Variants in SNX29 observed in about 807,000 individuals in gnomAD.
SNX29 encodes sorting nexin-29.
In SNX29, 78 loss-of-function variants were observed where a neutral mutation model predicts 102.1. The observed-to-expected ratio is 0.76, with a 90% CI of 0.64 to 0.92. The LOEUF is 0.92. Ranked by LOEUF, SNX29 falls within the 40% of genes least tolerant of loss-of-function variation. SNX29 has a pLI of 0.00. For missense variants in SNX29, 1,280 were observed against 1,061.7 expected (o/e 1.21, Z -2.86); for synonymous variants, 580 against 414.5 (o/e 1.40, Z -4.85).
At chr16:12,406,168 T>G (rs940740644) in intron 18 of SNX29, among the ~76,000 whole-genome samples, 1 of 152,148 alleles carries the variant, frequency 6.6e-6, no homozygotes, top group African/African-American at 2.4e-5. Flanking sequence ...ACTAAGGGTT[T>G]AAAAGGAAAA....
chr16:12,326,770 G>A (rs1424176886), intron 15 of SNX29, among the ~76,000 whole-genome samples: 2 of 150,658 alleles, frequency 1.3e-5, no homozygotes, highest in Admixed American at 6.6e-5. Context: ...ATACTAGCTT[G>A]TGGTACTGTG....
intron 15 of SNX29, among the ~76,000 whole-genome samples, chr16:12,346,822 A>T (rs1015011086): frequency 1.3e-5 from 2 of 152,132 alleles, no homozygotes; most frequent in Non-Finnish European, 2.9e-5. Context: ...CCAGGAGAGC[A>T]TCATTGTCTC....
At chr16:12,051,010 C>T (rs141683143) in intron 7 of SNX29, among the ~76,000 whole-genome samples, 47 of 152,230 alleles carry the variant, frequency 3.1e-4, no homozygotes, top group African/African-American at 9.6e-4. Context: ...CGTGAGCCAC[C>T]GCGCCCGGCC....
intron 15 of SNX29, among the ~76,000 whole-genome samples, chr16:12,343,800 T>G (rs966341858): frequency 6.6e-6 from 1 of 152,086 alleles, no homozygotes; most frequent in Admixed American, 6.6e-5. Flanking sequence ...TCAATAAATG[T>G]TTGTTGAATG....
chr16:12,166,320 C>G (rs557633930), intron 13 of SNX29, among the ~76,000 whole-genome samples: 1 of 152,264 alleles, frequency 6.6e-6, no homozygotes, highest in East Asian at 1.9e-4. Context: ...GATGGGCATT[C>G]AGAGCAGTGA....
intron 18 of SNX29, among the ~76,000 whole-genome samples, chr16:12,439,986 A>C (rs527371554): frequency 6.6e-6 from 1 of 152,296 alleles, no homozygotes; most frequent in South Asian, 2.1e-4. Flanking sequence ...GTGGGGATGC[A>C]GCCCAACTCT....
At chr16:12,541,256 A>C (rs867028972) in intron 20 of SNX29, among the ~76,000 whole-genome samples, 3 of 152,180 alleles carry the variant, frequency 2.0e-5, no homozygotes, top group African/African-American at 7.2e-5. Context: ...ATATCTTATC[A>C]GGGAGAGAAT....
intron 14 of SNX29, among the ~76,000 whole-genome samples, chr16:12,256,429 G>A (rs2078575481): frequency 6.6e-6 from 1 of 152,102 alleles, no homozygotes; most frequent in South Asian, 2.1e-4. Context: ...CCTGGTTCAG[G>A]CGATTCTCCT....
At chr16:12,554,613 C>CA (rs1491126885) in intron 20 of SNX29, among the ~76,000 whole-genome samples, 1 of 152,190 alleles carries the variant, frequency 6.6e-6, no homozygotes, top group Non-Finnish European at 1.5e-5. Context: ...GGAGCTCACT[C>CA]ACACATACCT....
At chr16:12,036,630 A>G (rs180761183) in intron 4 of SNX29, among the ~76,000 whole-genome samples, 2,667 of 145,318 alleles carry the variant, frequency 0.018, 79 homozygotes, top group African/African-American at 0.062. Context: ...CACCGCGCCC[A>G]GCGGGTTTTC....
intron 14 of SNX29, among the ~76,000 whole-genome samples, chr16:12,218,284 A>G (rs779014681): frequency 6.6e-6 from 1 of 152,012 alleles, no homozygotes; most frequent in Non-Finnish European, 1.5e-5. Flanking sequence ...TCCCGATGCT[A>G]CCCTTTTTAG....
chr16:12,119,970 T>G (rs2053903392), intron 11 of SNX29, among the ~76,000 whole-genome samples: 1 of 152,204 alleles, frequency 6.6e-6, no homozygotes. Flanking sequence ...ATCTGAGCCC[T>G]GCGAAGGGGT....
intron 20 of SNX29, among the ~76,000 whole-genome samples, chr16:12,534,363 C>A (rs1361310378): frequency 6.6e-6 from 1 of 152,216 alleles, no homozygotes; most frequent in Non-Finnish European, 1.5e-5. Context: ...GTTTCCTGCA[C>A]CTCTCACACC....
intron 13 of SNX29, among the ~76,000 whole-genome samples, chr16:12,164,110 AG>A (rs2055909589): frequency 1.3e-5 from 2 of 152,082 alleles, no homozygotes. Flanking sequence ...AGGGGCACAA[AG>A]GAGCCAAGAC....
intron 15 of SNX29, among the ~76,000 whole-genome samples, chr16:12,296,487 A>G (rs1288956708): frequency 1.3e-5 from 2 of 152,212 alleles, no homozygotes; most frequent in African/African-American, 4.8e-5. Context: ...AGACTTTTTT[A>G]TATAAAGGGA....
rs145818360 is a variant in SNX29, at chr16:11,989,011, C to T, written c.8-10286C>T. Among the ~76,000 whole-genome samples the T allele has an allele frequency of 2.0e-4, 31 of 151,408 alleles. No homozygotes were observed. In the East Asian group the frequency reaches 3.5e-3, roughly 17 times the overall value. Reference sequence around the variant, plus strand: ...TTTTTGAGATGGAGTCACACTCTGTCGCCCAGGCTGGAGTGTAGTGGTGTA... The same window carrying T: ...TTTTTGAGATGGAGTCACACTCTGTTGCCCAGGCTGGAGTGTAGTGGTGTA... On this transcript the variant is annotated intron_variant, in intron 1 of 20. Transcript: ENST00000566228.
chr16:12,067,579 C>G (rs1038040169), intron 9 of SNX29, among the ~76,000 whole-genome samples: 3 of 152,242 alleles, frequency 2.0e-5, no homozygotes, highest in African/African-American at 7.2e-5. Flanking sequence ...CCTCCACCTT[C>G]TGGGTTCAAG....
At chr16:12,429,477 A>G (rs73517991) in intron 18 of SNX29, among the ~76,000 whole-genome samples, 8,289 of 152,182 alleles carry the variant, frequency 0.054, 519 homozygotes, top group African/African-American at 0.15. Context: ...CTGGAGTGCA[A>G]TGACAAGATC....
chr16:12,463,235 C>T (rs549501158), intron 18 of SNX29, among the ~76,000 whole-genome samples: 30 of 152,310 alleles, frequency 2.0e-4, no homozygotes, highest in African/African-American at 6.7e-4. Flanking sequence ...GGGCCTGTGC[C>T]GTATATCCAC....
Sources: gnomAD v4.1 joint callset for allele counts (sites outside exome capture counted in the v4.1 genomes callset) on GRCh38, gnomAD v4.1.1 for gene constraint, MANE v1.5 for transcripts, NCBI Gene and HGNC (gene_info 2026-07-23, HGNC 2026-07-21) for gene names.